The following FGF23 variants were observed in gnomAD, a reference collection of about 807,000 sequenced individuals.
FGF23 encodes the protein fibroblast growth factor 23, also known as phosphatonin.
Under a neutral mutation model 9.0 loss-of-function variants are expected in FGF23, and 8 were observed. The ratio of observed to expected loss-of-function variants is 0.89; its 90% confidence interval spans 0.52 to 1.60. FGF23 has a LOEUF of 1.60. FGF23 is among the 40% of genes most tolerant of loss of function. The probability of loss-of-function intolerance (pLI) is 0.00; values close to 1 mark genes in which losing one functional copy is unlikely to be tolerated. For synonymous variants in FGF23, 118 were observed against 146.2 expected (o/e 0.81, Z 1.39); for missense variants, 311 against 344.3 (o/e 0.90, Z 0.77).
At position 4,369,681 on chromosome 12, in the gene FGF23, T is replaced by C. The variant is rs545632455; in HGVS notation, c.*662A>G. ...TGTAGGGAGGCTGAGTTTTCTATTA[T>C]GATTCCTGCCTCATTTCAGCAAGCA... On this transcript the variant is annotated 3_prime_UTR_variant, in exon 3 of 3. Transcript: ENST00000237837. 2.6e-5 allele frequency: 6 copies of C among 229,610 alleles called. No individual in the cohort carries two copies. The highest frequency in any genetic ancestry group is 1.1e-4 in the African/African-American group (5 of 45,304). 14.2% of individuals were successfully genotyped at this position (229,610 alleles called of 1,614,324 possible). A position where few individuals can be genotyped will look rare whatever the true frequency, so the allele number is the denominator to read the frequency against.
In FGF23 at chr12:4,368,630, C is replaced by T. The variant is rs1437544372; in HGVS notation, c.*1713G>A. On this transcript the variant is annotated 3_prime_UTR_variant, in exon 3 of 3. Coordinates refer to ENST00000237837, the MANE Select transcript of FGF23 (RefSeq NM_020638.3). ...TATTTTGGCTTTGCCATAAAGAAAA[C>T]CCCTGATGGTAGTGTTGAGTTTGTG... 4.9e-6 allele frequency: 1 copy of T among 202,048 alleles called. No homozygotes were observed. The highest frequency in any genetic ancestry group is 1.0e-5 in the Non-Finnish European group (1 of 98,386). The allele number at this position is 202,048 out of a possible 1,614,324, so 12.5% of individuals were successfully genotyped here.
At position 4,374,581 on chromosome 12, in the gene FGF23, C is replaced by T. The variant is rs529573192; in HGVS notation, c.212-1884G>A. Among the ~76,000 whole-genome samples, 549 of 149,538 alleles carry T rather than the reference C, an allele frequency of 3.7e-3. 3 individuals are homozygous for T. The highest frequency in any genetic ancestry group is 0.013 in the African/African-American group (525 of 40,614). On this transcript the variant is annotated intron_variant, in intron 1 of 2. Coordinates refer to ENST00000237837, the MANE Select transcript of FGF23 (RefSeq NM_020638.3). ...AGGAGAATGGCATGAACCTGGGAGGCGGAGCTAGCAGTAAGCCGAGATTGC... is the reference window on the plus strand; with the variant it reads ...AGGAGAATGGCATGAACCTGGGAGGTGGAGCTAGCAGTAAGCCGAGATTGC...
intron 1 of FGF23, among the ~76,000 whole-genome samples, chr12:4,376,889 C>T (rs957337637): frequency 6.6e-5 from 10 of 151,962 alleles, no homozygotes; most frequent in African/African-American, 2.4e-4. Context: ...ATACACATGA[C>T]AACTCATTGA....
intron 2 of FGF23, among the ~76,000 whole-genome samples, chr12:4,371,417 A>T (rs1865062740): frequency 6.6e-6 from 1 of 152,126 alleles, no homozygotes; most frequent in African/African-American, 2.4e-5. Flanking sequence ...GGTTCAACAG[A>T]TTTTTTGTTT....
At position 4,374,412 on chromosome 12, in the gene FGF23, G is replaced by A. The variant is rs532790043; in HGVS notation, c.212-1715C>T. The stretch of plus-strand genomic sequence containing the variant: ...TGCCTGTAATCCCAGCACTCTGGGA[G>A]GCTGAGGCGGGTGGATCATGAGGTC... On this transcript the variant is annotated intron_variant, in intron 1 of 2. Transcript: ENST00000237837. Among the ~76,000 whole-genome samples the A allele has an allele frequency of 1.9e-3, 288 of 152,316 alleles. 1 individual carries two copies. Among genetic ancestry groups the A allele is most frequent in the African/African-American group, 6.3e-3 (263 of 41,570 alleles).
intron 1 of FGF23, among the ~76,000 whole-genome samples, chr12:4,378,847 C>G (rs1282005680): frequency 6.6e-6 from 1 of 152,156 alleles, no homozygotes; most frequent in African/African-American, 2.4e-5. Flanking sequence ...CATGGACAGT[C>G]TGTCTTTAAT....
intron 1 of FGF23, among the ~76,000 whole-genome samples, chr12:4,378,956 T>C (rs1323488146): frequency 3.3e-5 from 5 of 152,190 alleles, no homozygotes; most frequent in Admixed American, 1.3e-4. Context: ...ACAACCTCCC[T>C]AGTTAACCCA....
At position 4,370,762 on chromosome 12, in the gene FGF23, A is replaced by G; in HGVS notation, c.337T>C (p.Cys113Arg). The G allele has an allele frequency of 6.2e-7, 1 of 1,614,058 alleles. No homozygotes were observed. The highest frequency in any genetic ancestry group is 1.1e-5 in the South Asian group (1 of 91,076). The change falls in exon 3 of 3, where the codon TGC becomes CGC. Residue 113 changes from cysteine (C) to arginine (R), a missense_variant. By Grantham distance (180) the Cys-to-Arg change is radical (BLOSUM62 -3). Transcript: ENST00000237837. ...TCCAGCGTCTGGTGTTGGAACCTGC[A>G]GTTCTCCGGGTCGAAATAGTGCTGG... is the stretch of plus-strand genomic sequence containing the variant. ...FGSHYFDPEN[C>R]RFQHQTLENG...
chr12:4,370,847 C>T, intron 2 of FGF23, 64 bp from the exon 3 acceptor site: 1 of 1,340,898 alleles, frequency 7.5e-7, no homozygotes, highest in African/African-American at 1.4e-5. Flanking sequence ...TCCCCAGCTC[C>T]TCCTGGGGCC....
Position 4,369,326 on chromosome 12 carries a change from G to A in FGF23, c.*1017C>T, listed in dbSNP as rs2120726697. 2 of 231,676 alleles carry A rather than the reference G, an allele frequency of 8.6e-6. No homozygotes were observed. The highest frequency in any genetic ancestry group is 1.7e-5 in the Non-Finnish European group (2 of 117,080). The allele number at this position is 231,676 out of a possible 1,614,324, so 14.4% of individuals were successfully genotyped here. ...CAGTCCACAGAAAACCTAACCCAGA[G>A]CAGTCCCAGTCTCTCAAAGCCCCCT... On this transcript the variant is annotated 3_prime_UTR_variant, in exon 3 of 3. Coordinates refer to ENST00000237837, the MANE Select transcript of FGF23 (RefSeq NM_020638.3).
chr12:4,379,655 C>T lies in FGF23; in HGVS notation c.-73G>A. 2 of 1,298,754 alleles carry T rather than the reference C, an allele frequency of 1.5e-6. No individual in the cohort carries two copies. Among genetic ancestry groups the T allele is most frequent in the South Asian group, 1.3e-5 (1 of 79,414 alleles). 80.5% of individuals were successfully genotyped at this position (1,298,754 alleles called of 1,614,324 possible). A position where few individuals can be genotyped will look rare whatever the true frequency, so the allele number is the denominator to read the frequency against. ...CTGTCGGGACTCTCCTGGCCCAGGC[C>T]TTACTGGCCTTTTCCTTCTCCCTTG... On this transcript the variant is annotated 5_prime_UTR_variant, in exon 1 of 3. Transcript: ENST00000237837.
At chr12:4,378,381 C>T (rs13312758) in intron 1 of FGF23, among the ~76,000 whole-genome samples, 3,350 of 152,170 alleles carry the variant, frequency 0.022, 131 homozygotes, top group African/African-American at 0.077. Context: ...GATCAGTTTG[C>T]ATTTTTCTGT....
In FGF23 at chr12:4,379,627, C is replaced by T. The variant is rs1297076247; in HGVS notation, c.-45G>A. 7 of 1,503,380 alleles carry T rather than the reference C, an allele frequency of 4.7e-6. No individual in the cohort carries two copies. In the Admixed American group the frequency reaches 1.2e-4, roughly 25 times the overall value. 93.1% of individuals were successfully genotyped at this position (1,503,380 alleles called of 1,614,324 possible). A position where few individuals can be genotyped will look rare whatever the true frequency, so the allele number is the denominator to read the frequency against. ...CTGGTGCTGAGATTGAAACCTGACA[C>T]TCCTGTCGGGACTCTCCTGGCCCAG... On this transcript the variant is annotated 5_prime_UTR_variant, in exon 1 of 3. In the 5' UTR this introduces an upstream ATG that the reference lacks. Transcript: ENST00000237837.
rs772772136 is a variant in FGF23, at chr12:4,370,555, C to T, written c.544G>A (p.Glu182Lys). 5.6e-6 allele frequency: 9 copies of T among 1,613,758 alleles called. No individual in the cohort carries two copies. The highest frequency in any genetic ancestry group is 5.9e-6 in the Non-Finnish European group (7 of 1,179,844). ...PIPRRHTRSAEDDSERDPLNV... is the reference protein window; with the variant it reads ...PIPRRHTRSAKDDSERDPLNV... Reference sequence around the variant, plus strand: ...AGGGGGTCCCGCTCCGAGTCGTCCTCGGCGCTCCGGGTGTGCCGCCGTGGT... The same window carrying T: ...AGGGGGTCCCGCTCCGAGTCGTCCTTGGCGCTCCGGGTGTGCCGCCGTGGT... The change falls in exon 3 of 3, where the codon GAG (glutamate) becomes AAG (lysine). Residue 182 changes from glutamate (E) to lysine (K), a missense_variant. By Grantham distance (56) the Glu-to-Lys change is moderately conservative. Coordinates refer to ENST00000237837, the MANE Select transcript of FGF23 (RefSeq NM_020638.3).
chr12:4,377,587 C>T (rs7966472), intron 1 of FGF23, among the ~76,000 whole-genome samples: 17,458 of 146,088 alleles, frequency 0.12, 1,155 homozygotes, highest in East Asian at 0.24. Flanking sequence ...CCTGCCACCA[C>T]GCCTGGCTAA....
intron 2 of FGF23, among the ~76,000 whole-genome samples, 196 bp downstream of exon 2, chr12:4,372,398 T>G (rs11063118): frequency 6.6e-6 from 1 of 151,914 alleles, no homozygotes; most frequent in Non-Finnish European, 1.5e-5. Context: ...TGGAGCCAGA[T>G]TGCCTGAGTT....
chr12:4,369,240 C>G lies in FGF23; in HGVS notation c.*1103G>C, dbSNP rs1865034723. On this transcript the variant is annotated 3_prime_UTR_variant, in exon 3 of 3. Transcript: ENST00000237837. ...TTTCATAACTTCTATAACATGTCCC[C>G]TGATTTCTTTCCCCCTGAGTCCTTG... 4.3e-6 allele frequency: 1 copy of G among 231,542 alleles called. No individual in the cohort carries two copies. The highest frequency in any genetic ancestry group is 6.1e-5 in the East Asian group (1 of 16,372). 14.3% of individuals were successfully genotyped at this position (231,542 alleles called of 1,614,324 possible).
chr12:4,378,517 T>G (rs1367595788), intron 1 of FGF23, among the ~76,000 whole-genome samples: 2 of 152,226 alleles, frequency 1.3e-5, no homozygotes, highest in African/African-American at 4.8e-5. Flanking sequence ...TTTGAATCAT[T>G]GCTAATGGAT....
chr12:4,368,526 A>C lies in FGF23; in HGVS notation c.*1817T>G, dbSNP rs1342305206. ...GGTTACATTTTTATAAATATCTATA[A>C]ATATAGAAGGATAGGCAAACTTCCA... On this transcript the variant is annotated 3_prime_UTR_variant, in exon 3 of 3. Coordinates refer to ENST00000237837, the MANE Select transcript of FGF23 (RefSeq NM_020638.3). The C allele has an allele frequency of 5.4e-6, 1 of 184,530 alleles. No homozygotes were observed. Among genetic ancestry groups the C allele is most frequent in the African/African-American group, 2.3e-5 (1 of 42,630 alleles). The allele number at this position is 184,530 out of a possible 1,614,324, so 11.4% of individuals were successfully genotyped here.
Sources: allele counts gnomAD v4.1 joint callset (sites outside exome capture counted in the v4.1 genomes callset), GRCh38; gene constraint gnomAD v4.1.1; transcripts MANE v1.5; gene names NCBI Gene and HGNC (gene_info 2026-07-23, HGNC 2026-07-21).